The following AGAP1 variants were observed in gnomAD, a reference collection of about 807,000 sequenced individuals.
AGAP1 encodes ArfGAP with GTPase domain, ankyrin repeat and PH domain 1.
Under a neutral mutation model 105.3 loss-of-function variants are expected in AGAP1, and 29 were observed. That is an observed-to-expected ratio of 0.28 (90% CI 0.21 to 0.38). The LOEUF is 0.38. Among genes scored for constraint, AGAP1 ranks in the 10% least tolerant of loss-of-function variants. AGAP1 has a pLI of 1.00. For missense variants in AGAP1, 998 were observed against 1,165.1 expected, an observed-to-expected ratio of 0.86 and a Z score of 2.09; for synonymous variants, 509 against 485.9, an observed-to-expected ratio of 1.05 and a Z score of -0.63.
chr2:236,021,548 C>T (rs904743501), intron 13 of AGAP1, among the ~76,000 whole-genome samples: 1 of 152,156 alleles, frequency 6.6e-6, no homozygotes, highest in Non-Finnish European at 1.5e-5. Flanking sequence ...ACAGTTACCG[C>T]TTAGTAACAA....
In AGAP1 at chr2:236,003,636, G is replaced by A. The variant is rs914650855; in HGVS notation, c.1646-32925G>A. Among the ~76,000 whole-genome samples, 16 of 152,152 alleles carry A rather than the reference G, an allele frequency of 1.1e-4. No homozygotes were observed. The highest frequency in any genetic ancestry group is 2.1e-4 in the South Asian group (1 of 4,830). On this transcript the variant is annotated intron_variant, in intron 13 of 17. Transcript: ENST00000304032. The surrounding 1 kb of genome is among the most constrained non-coding windows in gnomAD (Gnocchi z 4.2). ...ACCCCACACTCTCCCTTGGATTTGC[G>A]CCTGTTCTTTCTCTGGCTGTGCACC... is the stretch of plus-strand genomic sequence containing the variant.
intron 13 of AGAP1, among the ~76,000 whole-genome samples, chr2:236,015,438 C>CA: frequency 6.6e-6 from 1 of 152,302 alleles, no homozygotes; most frequent in East Asian, 1.9e-4. Flanking sequence ...CGTCTGGTGC[C>CA]AAAGTTCACA....
chr2:235,920,649 C>T (rs935744900), intron 11 of AGAP1, among the ~76,000 whole-genome samples: 1 of 152,132 alleles, frequency 6.6e-6, no homozygotes, highest in African/African-American at 2.4e-5. Flanking sequence ...AAAGTGATGC[C>T]AACTACAGCA....
chr2:235,686,829 ATT>A (rs869224839), intron 1 of AGAP1, among the ~76,000 whole-genome samples: 80 of 139,754 alleles, frequency 5.7e-4, no homozygotes, highest in African/African-American at 1.9e-3. Flanking sequence ...AATTAAAATA[ATT>A]TTTTTTTTTT....
At chr2:235,594,236 C>G (rs1301249588) in intron 1 of AGAP1, among the ~76,000 whole-genome samples, 1 of 151,856 alleles carries the variant, frequency 6.6e-6, no homozygotes, top group Non-Finnish European at 1.5e-5. Context: ...AGATGCTGCC[C>G]CCTTCTGGTG....
intron 8 of AGAP1, among the ~76,000 whole-genome samples, chr2:235,803,075 G>GGTT (rs1559506675): frequency 1.7e-5 from 2 of 116,836 alleles, no homozygotes; most frequent in African/African-American, 6.4e-5. Flanking sequence ...TAGTTGTGAT[G>GGTT]GTGATGATGG....
rs2054145660 is a variant in AGAP1, at chr2:235,960,743, G to A, written c.1484-7719G>A. On this transcript the variant is annotated intron_variant, in intron 12 of 17. Coordinates refer to ENST00000304032, the MANE Select transcript of AGAP1 (RefSeq NM_001037131.3). The surrounding 1 kb of genome is among the most constrained non-coding windows in gnomAD (Gnocchi z 4.9). The stretch of plus-strand genomic sequence containing the variant: ...GGGTCTTGCCCTTTATTCTCTGACA[G>A]CGGCCAGCTCCTAGGGCACGCTTGG... Among the ~76,000 whole-genome samples the A allele has an allele frequency of 6.6e-6, 1 of 152,216 alleles. No homozygotes were observed. The highest frequency in any genetic ancestry group is 1.5e-5 in the Non-Finnish European group (1 of 68,042).
rs1302298165 is a variant in AGAP1, at chr2:235,959,023, C to A, written c.1484-9439C>A. ...CATTGAATGTGCGGGATGGTGCCGG[C>A]CCATCCCGGCTCAGCGCCGCGCAGC... On this transcript the variant is annotated intron_variant, in intron 12 of 17. Coordinates refer to ENST00000304032, the MANE Select transcript of AGAP1 (RefSeq NM_001037131.3). This position sits in a 1 kb window ranked among gnomAD's most constrained non-coding sequence, Gnocchi z 7.3. Among the ~76,000 whole-genome samples the A allele has an allele frequency of 1.3e-5, 2 of 152,206 alleles. No individual in the cohort carries two copies. The highest frequency in any genetic ancestry group is 4.8e-5 in the African/African-American group (2 of 41,458).
At chr2:235,998,946 G>A (rs78727754) in intron 13 of AGAP1, among the ~76,000 whole-genome samples, 5,613 of 151,846 alleles carry the variant, frequency 0.037, 346 homozygotes, top group African/African-American at 0.13. Flanking sequence ...GTATGGTGGT[G>A]ATGATGGTGA....
intron 1 of AGAP1, among the ~76,000 whole-genome samples, chr2:235,526,796 T>C (rs1942857389): frequency 6.6e-6 from 1 of 150,886 alleles, no homozygotes; most frequent in South Asian, 2.1e-4. Context: ...GGGTTCAGAA[T>C]AGTTATGATT....
intron 1 of AGAP1, among the ~76,000 whole-genome samples, chr2:235,654,484 A>G (rs550164556): frequency 6.6e-6 from 1 of 152,374 alleles, no homozygotes; most frequent in Non-Finnish European, 1.5e-5. Flanking sequence ...CACTGATTGA[A>G]TGATGACAAG....
At chr2:235,816,538 G>GACC (rs1045578668) in intron 9 of AGAP1, among the ~76,000 whole-genome samples, 4 of 151,648 alleles carry the variant, frequency 2.6e-5, no homozygotes, top group Non-Finnish European at 5.9e-5. Flanking sequence ...CCCCACACGT[G>GACC]ACAAGTAGCT....
chr2:235,621,612 C>T lies in AGAP1; in HGVS notation c.164-87567C>T, dbSNP rs531101744. On this transcript the variant is annotated intron_variant, in intron 1 of 17. Coordinates refer to ENST00000304032, the MANE Select transcript of AGAP1 (RefSeq NM_001037131.3). The surrounding 1 kb of genome is among the most constrained non-coding windows in gnomAD (Gnocchi z 4.1). ...CCTGCCCATCATGCATTTAGGGGCT[C>T]CTCTGACTCCAGATGTCAGTGACCC... Among the ~76,000 whole-genome samples the T allele has an allele frequency of 1.3e-5, 2 of 152,324 alleles. No individual in the cohort carries two copies. Among genetic ancestry groups the T allele is most frequent in the East Asian group, 1.9e-4 (1 of 5,176 alleles).
chr2:235,998,490 C>G (rs941563728), intron 13 of AGAP1, among the ~76,000 whole-genome samples: 6 of 152,186 alleles, frequency 3.9e-5, no homozygotes, highest in Non-Finnish European at 8.8e-5. Context: ...CTAGTTCTTA[C>G]ACCTCTGGAA....
intron 1 of AGAP1, among the ~76,000 whole-genome samples, chr2:235,589,143 G>A (rs1945229672): frequency 6.7e-6 from 1 of 148,320 alleles, no homozygotes; most frequent in Non-Finnish European, 1.5e-5. Context: ...GAGCCCCGAT[G>A]CTGGTAGAAA....
rs1961349130 is a variant in AGAP1, at chr2:235,845,376, C to T, written c.1051-37969C>T. The stretch of plus-strand genomic sequence containing the variant: ...AACACCATGCTGGCTTCTGGGAGTG[C>T]AGATTTTGCAGACATGGAAGCAGAA... On this transcript the variant is annotated intron_variant, in intron 9 of 17. Transcript: ENST00000304032. The surrounding 1 kb of genome is among the most constrained non-coding windows in gnomAD (Gnocchi z 4.8). Among the ~76,000 whole-genome samples, 1 of 152,080 alleles carries T rather than the reference C, an allele frequency of 6.6e-6. No individual in the cohort carries two copies. Among genetic ancestry groups the T allele is most frequent in the African/African-American group, 2.4e-5 (1 of 41,396 alleles).
In AGAP1 at chr2:235,662,496, C is replaced by G. The variant is rs1409210783; in HGVS notation, c.164-46683C>G. Among the ~76,000 whole-genome samples, 2 of 149,734 alleles carry G rather than the reference C, an allele frequency of 1.3e-5. No homozygotes were observed. Among genetic ancestry groups the G allele is most frequent in the Admixed American group, 6.7e-5 (1 of 14,924 alleles). On this transcript the variant is annotated intron_variant, in intron 1 of 17. Transcript: ENST00000304032. The surrounding 1 kb of genome is among the most constrained non-coding windows in gnomAD (Gnocchi z 4.2). ...TTTATCATTCCCCTACTTGGTCTGT[C>G]TGCCTTCATGGAAGTTGGTGATTTT... is the stretch of plus-strand genomic sequence containing the variant.
rs1261054394 is a variant in AGAP1 at position 235,845,785 on chromosome 2, C to T, written c.1051-37560C>T. On this transcript the variant is annotated intron_variant, in intron 9 of 17. Coordinates refer to ENST00000304032, the MANE Select transcript of AGAP1 (RefSeq NM_001037131.3). The surrounding 1 kb of genome is among the most constrained non-coding windows in gnomAD (Gnocchi z 4.8). Reference sequence around the variant, plus strand: ...CACCAAGTCCTTCTTCCCTTTCTTCCTGAGCATCTGTCCCGTCGTGCCCTC... The same window carrying T: ...CACCAAGTCCTTCTTCCCTTTCTTCTTGAGCATCTGTCCCGTCGTGCCCTC... Among the ~76,000 whole-genome samples, 1 of 152,040 alleles carries T rather than the reference C, an allele frequency of 6.6e-6. No homozygotes were observed. The highest frequency in any genetic ancestry group is 6.6e-5 in the Admixed American group (1 of 15,264).
chr2:235,649,408 C>G (rs959477005), intron 1 of AGAP1, among the ~76,000 whole-genome samples: 1 of 152,220 alleles, frequency 6.6e-6, no homozygotes, highest in Non-Finnish European at 1.5e-5. Context: ...GATTCTCACT[C>G]TACTGCTCAG....
Sources: allele counts gnomAD v4.1 joint callset (sites outside exome capture counted in the v4.1 genomes callset), GRCh38; gene constraint gnomAD v4.1.1; non-coding constraint Gnocchi (gnomAD v3.1); transcripts MANE v1.5; gene names NCBI Gene and HGNC (gene_info 2026-07-23, HGNC 2026-07-21).